PCDH15: variants seen among roughly 807,000 people sequenced by gnomAD.
The protein encoded by PCDH15 is protocadherin-15.
Under a neutral mutation model 178.5 loss-of-function variants are expected in PCDH15, and 129 were observed. The ratio of observed to expected loss-of-function variants is 0.72; its 90% CI spans 0.63 to 0.84. The LOEUF (loss-of-function observed/expected upper bound fraction) is 0.84, where lower values mean the gene tolerates loss of function less well. PCDH15 is among the 40% of genes least tolerant of loss of function. The pLI is 0.00. For synonymous variants in PCDH15, 800 were observed against 732.0 expected (o/e 1.09, Z -1.50); for missense variants, 2,230 against 2,099.9 (o/e 1.06, Z -1.21).
intron 6 of PCDH15, among the ~76,000 whole-genome samples, chr10:54,343,836 TA>T (rs964649189): frequency 5.9e-4 from 89 of 149,652 alleles, no homozygotes; most frequent in African/African-American, 1.5e-3. Context: ...AGTTGAAACA[TA>T]AAAAAAAAGA....
At chr10:53,836,080 G>A (rs2077289662) in intron 29 of PCDH15, among the ~76,000 whole-genome samples, 1 of 152,076 alleles carries the variant, frequency 6.6e-6, no homozygotes, top group Non-Finnish European at 1.5e-5. Flanking sequence ...TACTGCTTCT[G>A]GAAAAGAGGT....
intron 1 of PCDH15, among the ~76,000 whole-genome samples, chr10:54,753,975 A>ATT (rs60529059): frequency 1.8e-3 from 258 of 139,616 alleles, no homozygotes; most frequent in Non-Finnish European, 2.8e-3. Flanking sequence ...CGGCCGGCTG[A>ATT]TTTTTTTTTT....
At chr10:53,994,018 A>G (rs1254588842) in intron 21 of PCDH15, among the ~76,000 whole-genome samples, 1 of 152,242 alleles carries the variant, frequency 6.6e-6, no homozygotes, top group East Asian at 1.9e-4. Flanking sequence ...TATGAAATTT[A>G]AATCTGGCAA....
intron 2 of PCDH15, among the ~76,000 whole-genome samples, chr10:55,350,247 A>T (rs1588942990): frequency 1.6e-5 from 1 of 63,072 alleles, no homozygotes; most frequent in Non-Finnish European, 3.1e-5. Flanking sequence ...ATATATATAT[A>T]TATATATATA....
At chr10:55,103,110 T>C (rs1842608514) in intron 2 of PCDH15, among the ~76,000 whole-genome samples, 1 of 140,830 alleles carries the variant, frequency 7.1e-6, no homozygotes, top group African/African-American at 3.2e-5. Context: ...CTCTGATTTT[T>C]CTTTTTTTTT....
chr10:54,223,803 T>A (rs2053152693), intron 9 of PCDH15, among the ~76,000 whole-genome samples: 1 of 152,050 alleles, frequency 6.6e-6, no homozygotes, highest in African/African-American at 2.4e-5. Flanking sequence ...TAATCCCTCA[T>A]CTTGAAATTC....
intron 3 of PCDH15, among the ~76,000 whole-genome samples, chr10:54,886,535 G>A (rs549673537): frequency 1.3e-3 from 196 of 152,292 alleles, no homozygotes; most frequent in Non-Finnish European, 1.1e-3. Context: ...GCCAAGGGGC[G>A]CAGATCACTT....
intron 21 of PCDH15, among the ~76,000 whole-genome samples, chr10:53,963,736 T>C (rs376397700): frequency 8.9e-4 from 136 of 152,280 alleles, no homozygotes; most frequent in African/African-American, 3.2e-3. Flanking sequence ...GGGGTAATCA[T>C]TGATCCTTTC....
intron 1 of PCDH15, among the ~76,000 whole-genome samples, chr10:54,795,711 GT>G (rs1234274420): frequency 6.6e-6 from 1 of 151,796 alleles, no homozygotes; most frequent in Non-Finnish European, 1.5e-5. Context: ...TAATACCTGA[GT>G]TTTCCAGGTG....
intron 3 of PCDH15, among the ~76,000 whole-genome samples, chr10:54,421,355 G>A (rs1955273501): frequency 6.6e-6 from 1 of 151,376 alleles, no homozygotes; most frequent in South Asian, 2.1e-4. Flanking sequence ...AAATCAATAT[G>A]TGAATCCTGG....
intron 1 of PCDH15, among the ~76,000 whole-genome samples, chr10:55,226,574 G>A (rs1383108027): frequency 6.6e-6 from 1 of 151,788 alleles, no homozygotes; most frequent in East Asian, 1.9e-4. Flanking sequence ...TAGACACGGG[G>A]TTTCATCATG....
intron 2 of PCDH15, among the ~76,000 whole-genome samples, chr10:55,035,505 C>T (rs1315811790): frequency 1.3e-5 from 2 of 152,062 alleles, no homozygotes; most frequent in African/African-American, 4.8e-5. Context: ...TTTGTTGTTC[C>T]CTCCAATATG....
Position 54,801,020 on chromosome 10 carries a change from T to C in PCDH15, c.-124A>G, listed in dbSNP as rs1352599210. The C allele has an allele frequency of 1.3e-5, 2 of 152,184 alleles. No individual in the cohort carries two copies. The highest frequency in any genetic ancestry group is 1.9e-4 in the East Asian group (1 of 5,180). The allele number at this position is 152,184 out of a possible 1,614,324, so 9.4% of individuals were successfully genotyped here. ...TGCACATCCCTTTAAAAAGAACCAG[T>C]GCTCATAATCTAGTTCCAAGACGAT... On this transcript the variant is annotated 5_prime_UTR_variant, in exon 1 of 38. Transcript: ENST00000644397.
intron 2 of PCDH15, among the ~76,000 whole-genome samples, chr10:55,149,688 A>G (rs1838643817): frequency 9.5e-6 from 1 of 105,264 alleles, no homozygotes; most frequent in Non-Finnish European, 2.2e-5. Context: ...CCAGGGAGAG[A>G]TATCTTTTTC....
chr10:55,166,017 A>G (rs1049912626), intron 2 of PCDH15, among the ~76,000 whole-genome samples: 5 of 152,192 alleles, frequency 3.3e-5, no homozygotes, highest in African/African-American at 9.6e-5. Flanking sequence ...TTTAATTTCT[A>G]TTTTGTTGCT....
intron 1 of PCDH15, among the ~76,000 whole-genome samples, chr10:55,302,417 T>C (rs1843309839): frequency 6.6e-6 from 1 of 151,980 alleles, no homozygotes; most frequent in Admixed American, 6.6e-5. Flanking sequence ...AGAGAGAAAT[T>C]TGTGTGAAGA....
At chr10:55,519,683 T>C (rs1841110292) in intron 2 of PCDH15, among the ~76,000 whole-genome samples, 1 of 151,964 alleles carries the variant, frequency 6.6e-6, no homozygotes, top group African/African-American at 2.4e-5. Context: ...TATAGAGCTA[T>C]ATATTTAAAA....
intron 25 of PCDH15, among the ~76,000 whole-genome samples, chr10:53,927,025 T>C (rs184246905): frequency 1.7e-3 from 260 of 152,184 alleles, no homozygotes; most frequent in African/African-American, 5.7e-3. Context: ...TCAGGGGCCA[T>C]GTGACAAAAA....
chr10:53,961,457 A>G (rs1248687485), intron 22 of PCDH15, among the ~76,000 whole-genome samples: 3 of 152,060 alleles, frequency 2.0e-5, no homozygotes, highest in Admixed American at 6.6e-5. Context: ...TTTAAAAACC[A>G]GTATGTATAA....
Sources: allele counts gnomAD v4.1 joint callset (sites outside exome capture counted in the v4.1 genomes callset), GRCh38; gene constraint gnomAD v4.1.1; transcripts MANE v1.5; gene names NCBI Gene and HGNC (gene_info 2026-07-23, HGNC 2026-07-21).